Variants in CCIN observed in about 807,000 individuals in gnomAD.
The protein encoded by CCIN is testis tissue sperm-binding protein Li 65n.
In CCIN, 15 loss-of-function variants were observed where a neutral mutation model predicts 32.2. That is an observed-to-expected ratio of 0.47 (90% CI 0.31 to 0.72). The LOEUF is 0.72. Ranked by LOEUF, CCIN falls within the 30% of genes least tolerant of loss-of-function variation. The pLI, the probability that CCIN is intolerant of heterozygous loss-of-function variation, is 0.05. For synonymous variants in CCIN, 302 were observed against 297.4 expected (o/e 1.02, Z -0.16); for missense variants, 623 against 759.4 (o/e 0.82, Z 2.11).
In CCIN at chr9:36,170,996, C is replaced by G; in HGVS notation, c.1494C>G (p.Ser498Arg). Residue 498 changes from serine to arginine, a missense_variant, in exon 1 of 1, where the codon AGC becomes AGG. By Grantham distance (110) the Ser-to-Arg change is moderately radical. Coordinates refer to ENST00000335119, the MANE Select transcript of CCIN (RefSeq NM_005893.3). ...VEINLQKVKA[S>R]KTTTSVPVLP... ...TCAATCTGCAGAAGGTGAAGGCAAG[C>G]AAGACGACCACCTCAGTGCCTGTCT... is the stretch of plus-strand genomic sequence containing the variant. The G allele has an allele frequency of 1.2e-6, 2 of 1,614,212 alleles. No homozygotes were observed. Among genetic ancestry groups the G allele is most frequent in the South Asian group, 1.1e-5 (1 of 91,088 alleles).
Position 36,170,405 on chromosome 9 carries a change from C to A in CCIN, c.903C>A (p.Ile301=). 1 of 1,614,108 alleles carries A rather than the reference C, an allele frequency of 6.2e-7. No homozygotes were observed. The highest frequency in any genetic ancestry group is 8.5e-7 in the Non-Finnish European group (1 of 1,180,050). The change falls in exon 1 of 1, where the codon ATC becomes ATA. Residue 301 remains isoleucine (I), a synonymous_variant. Transcript: ENST00000335119. ...GQFNDGVFAY[I]IQENLWMKLS... ...TCAATGATGGAGTGTTTGCTTATAT[C>A]ATCCAGGAGAACCTGTGGATGAAGC...
In CCIN at chr9:36,171,276, T is replaced by G; in HGVS notation, c.*7T>G. 6.2e-7 allele frequency: 1 copy of G among 1,609,440 alleles called. No individual in the cohort carries two copies. The highest frequency in any genetic ancestry group is 8.5e-7 in the Non-Finnish European group (1 of 1,178,878). On this transcript the variant is annotated 3_prime_UTR_variant, in exon 1 of 1. Transcript: ENST00000335119. The stretch of plus-strand genomic sequence containing the variant: ...GATTCTTCAAAGGATTTAAACATTT[T>G]AAGTGGGAGAATAAGTAAATGCATT...
chr9:36,169,693 C>G lies in CCIN; in HGVS notation c.191C>G (p.Thr64Ser). 1 of 1,614,178 alleles carries G rather than the reference C, an allele frequency of 6.2e-7. No homozygotes were observed. The highest frequency in any genetic ancestry group is 8.5e-7 in the Non-Finnish European group (1 of 1,180,032). ...RSLISSNDMK[T>S]ADELFITIDT... is the part of the protein sequence containing the mutation. ...CTCATCTCCAGCAATGACATGAAGA[C>G]CGCTGATGAGCTTTTCATCACCATT... The change falls in exon 1 of 1, where the codon ACC becomes AGC. Residue 64 changes from threonine (T) to serine (S), a missense_variant. Thr to Ser is a moderately conservative substitution (Grantham distance 58). Transcript: ENST00000335119.
rs1303156448 is a variant in CCIN at position 36,170,476 on chromosome 9, C to T, written c.974C>T (p.Ala325Val). The change falls in exon 1 of 1, where the codon GCT becomes GTT. Residue 325 changes from alanine (A) to valine (V), a missense_variant. Transcript: ENST00000335119. ...YRAAALSATS[A>V]GRYIYISGGT... ...GCAGCAGCACTTAGTGCCACCTCTG[C>T]TGGTCGCTACATCTACATCTCTGGT... 2 of 1,614,156 alleles carry T rather than the reference C, an allele frequency of 1.2e-6. No homozygotes were observed. The highest frequency in any genetic ancestry group is 1.1e-5 in the South Asian group (1 of 91,090).
chr9:36,170,621 T>TG lies in CCIN; in HGVS notation c.1125dup (p.Thr376AspfsTer22), dbSNP rs753843450. Reference sequence around the variant, plus strand: ...TTGTCTTCCACACCATGGTGACCTGTGGGGGGACAGTGTACTCAGTGGGCG... The same window carrying TG: ...TTGTCTTCCACACCATGGTGACCTGTGGGGGGGACAGTGTACTCAGTGGGCG... On this transcript the variant is annotated frameshift_variant, in exon 1 of 1. Coordinates refer to ENST00000335119, the MANE Select transcript of CCIN (RefSeq NM_005893.3). LOFTEE classifies it high-confidence loss of function. The TG allele has an allele frequency of 5.0e-6, 8 of 1,613,982 alleles. No homozygotes were observed. In the Admixed American group the frequency reaches 5.0e-5, roughly 10 times the overall value.
In CCIN at chr9:36,170,815, A is replaced by G. The variant is rs751409530; in HGVS notation, c.1313A>G (p.Tyr438Cys). 11 of 1,614,238 alleles carry G rather than the reference A, an allele frequency of 6.8e-6. No homozygotes were observed. Among genetic ancestry groups the G allele is most frequent in the South Asian group, 6.6e-5 (6 of 91,082 alleles). The part of the protein sequence containing the change: ...IVTGRCLVKG[Y>C]ISRVGVVDCF... ...ACTGGACGGTGCTTGGTGAAAGGTT[A>G]TATCTCCCGGGTCGGGGTAGTGGAC... The change falls in exon 1 of 1, where the codon TAT (tyrosine) becomes TGT (cysteine). Residue 438 changes from tyrosine (Y) to cysteine (C), a missense_variant. Transcript: ENST00000335119.
chr9:36,170,191 A>G lies in CCIN; in HGVS notation c.689A>G (p.Asn230Ser), dbSNP rs149963862. The part of the protein sequence containing the change: ...FNYINLNAVS[N>S]KTLVFASNKL... ...TACATCAATCTCAATGCTGTCTCCA[A>G]TAAGACGCTGGTGTTTGCCAGCAAC... is the stretch of plus-strand genomic sequence containing the variant. The change falls in exon 1 of 1, where the codon AAT (asparagine) becomes AGT (serine). Residue 230 changes from asparagine to serine, a missense_variant. Physicochemically the swap from Asn to Ser is conservative, Grantham distance 46. Coordinates refer to ENST00000335119, the MANE Select transcript of CCIN (RefSeq NM_005893.3). 30 of 1,614,110 alleles carry G rather than the reference A, an allele frequency of 1.9e-5. No homozygotes were observed. The highest frequency in any genetic ancestry group is 3.3e-4 in the Middle Eastern group (2 of 6,084).
Position 36,170,973 on chromosome 9 carries a change from A to G in CCIN, c.1471A>G (p.Asn491Asp). ...VHSHRQSVEI[N>D]LQKVKASKTT... ...CAGCCACCGGCAGAGTGTGGAAATCAATCTGCAGAAGGTGAAGGCAAGCAA... is the reference window on the plus strand; with the variant it reads ...CAGCCACCGGCAGAGTGTGGAAATCGATCTGCAGAAGGTGAAGGCAAGCAA... The change falls in exon 1 of 1, where the codon AAT becomes GAT. Residue 491 changes from asparagine to aspartate, a missense_variant. Transcript: ENST00000335119. The G allele has an allele frequency of 1.9e-6, 3 of 1,614,224 alleles. No individual in the cohort carries two copies. The highest frequency in any genetic ancestry group is 2.5e-6 in the Non-Finnish European group (3 of 1,180,036).
chr9:36,169,714 C>A lies in CCIN; in HGVS notation c.212C>A (p.Thr71Asn), dbSNP rs781209594. 1 of 1,614,170 alleles carries A rather than the reference C, an allele frequency of 6.2e-7. No individual in the cohort carries two copies. The highest frequency in any genetic ancestry group is 8.5e-7 in the Non-Finnish European group (1 of 1,180,030). The stretch of plus-strand genomic sequence containing the variant: ...AAGACCGCTGATGAGCTTTTCATCA[C>A]CATTGACACCAGTTACCTGAGCCCG... ...DMKTADELFI[T>N]IDTSYLSPVT... The change falls in exon 1 of 1, where the codon ACC becomes AAC. Residue 71 changes from threonine to asparagine, a missense_variant. Thr to Asn is a moderately conservative substitution (Grantham distance 65, BLOSUM62 0). Coordinates refer to ENST00000335119, the MANE Select transcript of CCIN (RefSeq NM_005893.3).
At position 36,171,258 on chromosome 9, in the gene CCIN, C is replaced by T. The variant is rs756749264; in HGVS notation, c.1756C>T (p.Gln586Ter). 4 of 1,612,588 alleles carry T rather than the reference C, an allele frequency of 2.5e-6. No individual in the cohort carries two copies. The highest frequency in any genetic ancestry group is 2.2e-5 in the East Asian group (1 of 44,888). The change falls in exon 1 of 1, where the codon CAA becomes TAA. Residue 586 changes from glutamine (Q) to a stop codon, truncating the protein, a stop_gained. Transcript: ENST00000335119. LOFTEE classifies it high-confidence loss of function. The part of the protein sequence containing the change: ...CLAKLPCKIL[Q>*]RI ...AGCCAAGCTACCTTGCAAGATTCTT[C>T]AAAGGATTTAAACATTTTAAGTGGG... is the stretch of plus-strand genomic sequence containing the variant.
In CCIN at chr9:36,171,008, C is replaced by T. The variant is rs1826308117; in HGVS notation, c.1506C>T (p.Thr502=). ...AGGTGAAGGCAAGCAAGACGACCAC[C>T]TCAGTGCCTGTCTTGCCCAACAGCT... is the stretch of plus-strand genomic sequence containing the variant. ...LQKVKASKTT[T]SVPVLPNSCP... The change falls in exon 1 of 1, where the codon ACC becomes ACT. Residue 502 remains threonine, a synonymous_variant. Coordinates refer to ENST00000335119, the MANE Select transcript of CCIN (RefSeq NM_005893.3). The T allele has an allele frequency of 6.2e-7, 1 of 1,614,126 alleles. No homozygotes were observed. Among genetic ancestry groups the T allele is most frequent in the Non-Finnish European group, 8.5e-7 (1 of 1,180,056 alleles).
rs780183728 is a variant in CCIN, at chr9:36,169,987, A to T, written c.485A>T (p.Tyr162Phe). 23 of 1,613,808 alleles carry T rather than the reference A, an allele frequency of 1.4e-5. No individual in the cohort carries two copies. Among genetic ancestry groups the T allele is most frequent in the Non-Finnish European group, 1.9e-5 (23 of 1,180,028 alleles). Reference protein sequence around the residue: ...AYSGIRDNFHYWASPEGSMHF... With the variant: ...AYSGIRDNFHFWASPEGSMHF... ...TCTGGCATTCGGGACAACTTCCACT[A>T]CTGGGCCAGTCCTGAGGGCTCCATG... Residue 162 changes from tyrosine to phenylalanine, a missense_variant, in exon 1 of 1, where the codon TAC (tyrosine) becomes TTC (phenylalanine). By Grantham distance (22) the Tyr-to-Phe change is conservative. Coordinates refer to ENST00000335119, the MANE Select transcript of CCIN (RefSeq NM_005893.3).
chr9:36,169,406 A>C lies in CCIN; in HGVS notation c.-97A>C. The C allele has an allele frequency of 8.3e-7, 1 of 1,207,382 alleles. No homozygotes were observed. The highest frequency in any genetic ancestry group is 2.4e-5 in the East Asian group (1 of 40,996). The allele number at this position is 1,207,382 out of a possible 1,614,324, so 74.8% of individuals were successfully genotyped here. A position where few individuals can be genotyped will look rare whatever the true frequency, so the allele number is the denominator to read the frequency against. On this transcript the variant is annotated 5_prime_UTR_variant, in exon 1 of 1. Transcript: ENST00000335119. ...TTCCACCCTCTCTTCTCCCTGGTCAACCGCTCTGCAAACAACCATCAATCT... is the reference window on the plus strand; with the variant it reads ...TTCCACCCTCTCTTCTCCCTGGTCACCCGCTCTGCAAACAACCATCAATCT...
At position 36,170,815 on chromosome 9, in the gene CCIN, A is replaced by C. The variant is rs751409530; in HGVS notation, c.1313A>C (p.Tyr438Ser). 1.4e-5 allele frequency: 22 copies of C among 1,614,240 alleles called. No homozygotes were observed. Among genetic ancestry groups the C allele is most frequent in the Middle Eastern group, 3.3e-4 (2 of 6,062 alleles). The stretch of plus-strand genomic sequence containing the variant: ...ACTGGACGGTGCTTGGTGAAAGGTT[A>C]TATCTCCCGGGTCGGGGTAGTGGAC... The part of the protein sequence containing the change: ...IVTGRCLVKG[Y>S]ISRVGVVDCF... Residue 438 changes from tyrosine (Y) to serine (S), a missense_variant, in exon 1 of 1, where the codon TAT becomes TCT. Physicochemically the swap from Tyr to Ser is moderately radical, Grantham distance 144 (BLOSUM62 -2). Coordinates refer to ENST00000335119, the MANE Select transcript of CCIN (RefSeq NM_005893.3).
chr9:36,170,319 C>T lies in CCIN; in HGVS notation c.817C>T (p.Arg273Trp), dbSNP rs531887638. The part of the protein sequence containing the change: ...ERPCSLLVYQ[R>W]KGALLDSVVI... The stretch of plus-strand genomic sequence containing the variant: ...GCCATGCAGCCTGCTGGTCTACCAG[C>T]GGAAAGGGGCCCTGCTTGATTCCGT... Residue 273 changes from arginine to tryptophan, a missense_variant, in exon 1 of 1, where the codon CGG (arginine) becomes TGG (tryptophan). Coordinates refer to ENST00000335119, the MANE Select transcript of CCIN (RefSeq NM_005893.3). 4.3e-6 allele frequency: 7 copies of T among 1,614,120 alleles called. No individual in the cohort carries two copies. The highest frequency in any genetic ancestry group is 2.2e-5 in the East Asian group (1 of 44,870).
rs534013659 is a variant in CCIN at position 36,170,594 on chromosome 9, G to T, written c.1092G>T (p.Gly364=). Residue 364 remains glycine (G), a synonymous_variant, in exon 1 of 1, where the codon GGG becomes GGT. Transcript: ENST00000335119. ...CCAAGTTGCCTGACCTGCCCATCGG[G>T]CTTGTCTTCCACACCATGGTGACCT... The part of the protein sequence containing the change: ...SWTKLPDLPI[G]LVFHTMVTCG... 6.8e-6 allele frequency: 11 copies of T among 1,614,046 alleles called. No individual in the cohort carries two copies. In the African/African-American group the frequency reaches 1.1e-4, roughly 16 times the overall value.
rs765466302 is a variant in CCIN at position 36,170,942 on chromosome 9, C to T, written c.1440C>T (p.Cys480=). 25 of 1,614,088 alleles carry T rather than the reference C, an allele frequency of 1.5e-5. No individual in the cohort carries two copies. In the African/African-American group the frequency reaches 2.3e-4, roughly 15 times the overall value. The change falls in exon 1 of 1, where the codon TGC becomes TGT. Residue 480 remains cysteine (C), a synonymous_variant. Transcript: ENST00000335119. ...CTTTCCAACAGGACAACATCCTCTG[C>T]GTGCACAGCCACCGGCAGAGTGTGG... ...LLSFQQDNIL[C]VHSHRQSVEI...
rs1826283832 is a variant in CCIN, at chr9:36,169,812, C to T, written c.310C>T (p.Leu104=). 1 of 1,614,066 alleles carries T rather than the reference C, an allele frequency of 6.2e-7. No individual in the cohort carries two copies. Among genetic ancestry groups the T allele is most frequent in the Admixed American group, 1.7e-5 (1 of 60,000 alleles). The change falls in exon 1 of 1, where the codon CTG becomes TTG. Residue 104 remains leucine, a synonymous_variant. Transcript: ENST00000335119. ...GATCTCCGAGCAAAATGTGGAGGAG[C>T]TGCTTCGTGGGGCTCAGTATTTCAA... ...VVISEQNVEE[L]LRGAQYFNTP...
rs1422091390 is a variant in CCIN, at chr9:36,169,736, C to T, written c.234C>T (p.Ser78=). The T allele has an allele frequency of 1.9e-6, 3 of 1,614,054 alleles. No individual in the cohort carries two copies. The part of the protein sequence containing the change: ...LFITIDTSYL[S]PVTVDQLLDY... ...TCACCATTGACACCAGTTACCTGAG[C>T]CCGGTCACAGTGGACCAGCTTCTGG... is the stretch of plus-strand genomic sequence containing the variant. The change falls in exon 1 of 1, where the codon AGC becomes AGT. Residue 78 remains serine, a synonymous_variant. Coordinates refer to ENST00000335119, the MANE Select transcript of CCIN (RefSeq NM_005893.3).
Sources: gnomAD v4.1 joint callset for allele counts on GRCh38, gnomAD v4.1.1 for gene constraint, MANE v1.5 for transcripts, NCBI Gene and HGNC (gene_info 2026-07-23, HGNC 2026-07-21) for gene names.